Variants in SV2C observed in about 807,000 individuals in gnomAD.
The protein encoded by SV2C is synaptic vesicle glycoprotein 2C, also known as solute carrier family 22 member B3.
In SV2C, 49 loss-of-function variants were observed where a neutral mutation model predicts 79.7. The observed-to-expected ratio is 0.61, with a 90% CI of 0.49 to 0.78. SV2C has a LOEUF of 0.78. Among genes scored for constraint, SV2C ranks in the 30% least tolerant of loss-of-function variants. The probability of loss-of-function intolerance (pLI) is 0.00; values close to 1 mark genes in which losing one functional copy is unlikely to be tolerated. For synonymous variants in SV2C, 334 were observed against 333.2 expected (o/e 1.00, Z -0.03); for missense variants, 833 against 912.9 (o/e 0.91, Z 1.13).
the SV2C span, among the ~76,000 whole-genome samples, chr5:76,034,072 T>C: frequency 1.3e-5 from 2 of 152,136 alleles, no homozygotes; most frequent in South Asian, 4.2e-4. Context: ...AGTATAAGAA[T>C]GCTTGTGATT....
chr5:76,217,303 A>G (rs1744931515), intron 4 of SV2C, among the ~76,000 whole-genome samples: 2 of 152,194 alleles, frequency 1.3e-5, no homozygotes, highest in African/African-American at 2.4e-5. Context: ...TTTGGCTGGC[A>G]GGAGAGGCAA....
At chr5:76,195,572 T>G (rs1414473851) in intron 3 of SV2C, among the ~76,000 whole-genome samples, 1 of 152,220 alleles carries the variant, frequency 6.6e-6, no homozygotes, top group Non-Finnish European at 1.5e-5. Flanking sequence ...CCTTGAGACG[T>G]AATTTTTAGT....
At position 76,329,048 on chromosome 5, in the gene SV2C, G is replaced by T. The variant is rs540050246; in HGVS notation, c.*3501G>T. ...CCCAAAATGCTGGGATTACAGGCGT[G>T]AGCCACTGGCGGCCTCAACTCATTT... On this transcript the variant is annotated 3_prime_UTR_variant, in exon 13 of 13. Coordinates refer to ENST00000502798, the MANE Select transcript of SV2C (RefSeq NM_014979.4). The T allele has an allele frequency of 4.3e-4, 66 of 152,328 alleles. 1 individual carries two copies. Among genetic ancestry groups the T allele is most frequent in the African/African-American group, 1.5e-3 (62 of 41,570 alleles). 9.4% of individuals were successfully genotyped at this position (152,328 alleles called of 1,614,324 possible). A position where few individuals can be genotyped will look rare whatever the true frequency, so the allele number is the denominator to read the frequency against.
At chr5:76,223,499 A>ATG (rs1311986058) in intron 4 of SV2C, among the ~76,000 whole-genome samples, 2 of 107,218 alleles carry the variant, frequency 1.9e-5, no homozygotes, top group South Asian at 2.8e-4. Context: ...ATATATATGT[A>ATG]TATGTATATA....
At chr5:76,171,919 C>G (rs1164153121) in intron 2 of SV2C, among the ~76,000 whole-genome samples, 21 of 122,142 alleles carry the variant, frequency 1.7e-4, no homozygotes, top group African/African-American at 5.9e-4. Flanking sequence ...GCCAGCCGCC[C>G]CGTCCGGGAG....
At chr5:75,936,106 T>G in the SV2C span, among the ~76,000 whole-genome samples, 3 of 152,188 alleles carry the variant, frequency 2.0e-5, no homozygotes, top group Non-Finnish European at 4.4e-5. Flanking sequence ...TGAGTAGAAT[T>G]AAGGGAGTTT....
chr5:76,042,701 T>C, the SV2C span, among the ~76,000 whole-genome samples: 1 of 152,244 alleles, frequency 6.6e-6, no homozygotes, highest in Admixed American at 6.5e-5. Context: ...AAATGCAGTG[T>C]GTTCAGCCCC....
chr5:76,178,613 G>C (rs1451794412), intron 2 of SV2C, among the ~76,000 whole-genome samples: 1 of 152,090 alleles, frequency 6.6e-6, no homozygotes, highest in African/African-American at 2.4e-5. Flanking sequence ...AAAACAAAAG[G>C]CATGTTCACA....
At chr5:76,117,637 C>G (rs963950445) in intron 1 of SV2C, among the ~76,000 whole-genome samples, 4 of 151,972 alleles carry the variant, frequency 2.6e-5, no homozygotes, top group African/African-American at 9.7e-5. Flanking sequence ...TGAACAGATA[C>G]TAATACATGT....
At chr5:75,966,935 G>A in the SV2C span, among the ~76,000 whole-genome samples, 3 of 152,126 alleles carry the variant, frequency 2.0e-5, no homozygotes, top group Non-Finnish European at 4.4e-5. Flanking sequence ...ATGACTTGCG[G>A]CAACTTACTA....
At chr5:75,902,204 C>T in the SV2C span, among the ~76,000 whole-genome samples, 2 of 152,134 alleles carry the variant, frequency 1.3e-5, no homozygotes, top group Non-Finnish European at 1.5e-5. Context: ...AGCTGTGGAC[C>T]GGAGCTGTTC....
In SV2C at chr5:76,326,416, C is replaced by T. The variant is rs1307554509; in HGVS notation, c.*869C>T. 1.3e-5 allele frequency: 2 copies of T among 152,216 alleles called. No homozygotes were observed. The highest frequency in any genetic ancestry group is 4.8e-5 in the African/African-American group (2 of 41,452). The allele number at this position is 152,216 out of a possible 1,614,324, so 9.4% of individuals were successfully genotyped here. A position where few individuals can be genotyped will look rare whatever the true frequency, so the allele number is the denominator to read the frequency against. On this transcript the variant is annotated 3_prime_UTR_variant, in exon 13 of 13. Transcript: ENST00000502798. ...TGCTTCTTAAAAACTGTCTGCCTAC[C>T]TGATTCTGCCACTTACCCACACTGT... is the stretch of plus-strand genomic sequence containing the variant.
intron 4 of SV2C, among the ~76,000 whole-genome samples, chr5:76,269,019 A>AT (rs1419304986): frequency 1.3e-5 from 2 of 152,208 alleles, no homozygotes; most frequent in Non-Finnish European, 2.9e-5. Flanking sequence ...CTTTTGGTCT[A>AT]TTACCTGTGA....
chr5:76,041,621 G>T, the SV2C span, among the ~76,000 whole-genome samples: 3 of 152,236 alleles, frequency 2.0e-5, no homozygotes, highest in African/African-American at 7.2e-5. Flanking sequence ...TTGGCTGGTA[G>T]ACCCCTCATC....
chr5:76,076,502 GTGT>G, the SV2C span, among the ~76,000 whole-genome samples: 5 of 152,106 alleles, frequency 3.3e-5, no homozygotes, highest in African/African-American at 1.2e-4. Context: ...GCTTCCTTGT[GTGT>G]TGTTATTTTA....
intron 4 of SV2C, among the ~76,000 whole-genome samples, chr5:76,272,023 C>A (rs535224439): frequency 6.6e-6 from 1 of 152,172 alleles, no homozygotes; most frequent in Admixed American, 6.5e-5. Context: ...TCATTTTGGG[C>A]CTGAGTCATG....
the SV2C span, among the ~76,000 whole-genome samples, chr5:75,849,208 G>A: frequency 3.3e-5 from 5 of 152,198 alleles, no homozygotes; most frequent in Admixed American, 3.3e-4. Flanking sequence ...AAGACAGCTG[G>A]GAGTATTAAA....
chr5:76,016,822 A>G, the SV2C span, among the ~76,000 whole-genome samples: 1 of 152,220 alleles, frequency 6.6e-6, no homozygotes, highest in Non-Finnish European at 1.5e-5. Context: ...AATTGCCATT[A>G]TAGAAAACTT....
chr5:75,885,081 A>C, the SV2C span, among the ~76,000 whole-genome samples: 1 of 152,150 alleles, frequency 6.6e-6, no homozygotes, highest in Admixed American at 6.6e-5. Context: ...TGTGACACAT[A>C]CAAGAAAATT....
Sources: allele counts gnomAD v4.1 joint callset (sites outside exome capture counted in the v4.1 genomes callset), GRCh38; gene constraint gnomAD v4.1.1; transcripts MANE v1.5; gene names NCBI Gene and HGNC (gene_info 2026-07-23, HGNC 2026-07-21).